The following GALNTL6 variants were observed in gnomAD, a reference collection of about 807,000 sequenced individuals.
GALNTL6 encodes the protein polypeptide N-acetylgalactosaminyltransferase like 6.
Under a neutral mutation model 73.7 loss-of-function variants are expected in GALNTL6, and 46 were observed. The observed-to-expected ratio is 0.62, with a 90% CI of 0.49 to 0.80. The LOEUF is 0.80. Ranked by LOEUF, GALNTL6 falls within the 30% of genes least tolerant of loss-of-function variation. The pLI is 0.00. For missense variants in GALNTL6, 604 were observed against 755.0 expected (o/e 0.80, Z 2.34); for synonymous variants, 259 against 263.7 (o/e 0.98, Z 0.17).
chr4:172,497,906 C>T (rs904411232), intron 5 of GALNTL6, among the ~76,000 whole-genome samples: 1 of 152,002 alleles, frequency 6.6e-6, no homozygotes, highest in African/African-American at 2.4e-5. Context: ...TTATAAACAT[C>T]TCCATCCCCA....
At chr4:172,112,448 T>G (rs1192305573) in intron 2 of GALNTL6, among the ~76,000 whole-genome samples, 1 of 151,948 alleles carries the variant, frequency 6.6e-6, no homozygotes. Context: ...TAAGGGTATG[T>G]TTAGTTTTGT....
intron 2 of GALNTL6, among the ~76,000 whole-genome samples, chr4:172,074,105 A>G (rs372860975): frequency 6.6e-6 from 1 of 152,334 alleles, no homozygotes; most frequent in Middle Eastern, 3.4e-3. Flanking sequence ...AGAACCACAG[A>G]ACAATTATAC....
chr4:172,655,979 CAT>C (rs941765628), intron 5 of GALNTL6, among the ~76,000 whole-genome samples: 5 of 152,142 alleles, frequency 3.3e-5, no homozygotes, highest in Non-Finnish European at 7.3e-5. Flanking sequence ...GTCAAAAACA[CAT>C]GTGATAAGCC....
chr4:172,032,900 ATTTTCTCTTTATAATCT>A (rs2110823836), intron 2 of GALNTL6, among the ~76,000 whole-genome samples: 1 of 152,070 alleles, frequency 6.6e-6, no homozygotes, highest in African/African-American at 2.4e-5. Context: ...TTTCCATTTA[ATTTTCTCTTTATAATCT>A]GATTGGAGAG....
At chr4:171,961,269 C>T (rs1739211079) in intron 2 of GALNTL6, among the ~76,000 whole-genome samples, 1 of 152,022 alleles carries the variant, frequency 6.6e-6, no homozygotes, top group Admixed American at 6.6e-5. Context: ...GTCTTCATAC[C>T]TTGTCTAACA....
intron 8 of GALNTL6, among the ~76,000 whole-genome samples, chr4:172,917,236 C>T (rs935473196): frequency 5.3e-5 from 8 of 152,168 alleles, no homozygotes; most frequent in Non-Finnish European, 7.3e-5. Flanking sequence ...ACACCTTATA[C>T]AAATATTAAT....
At chr4:172,318,819 T>TG (rs1443134727) in intron 4 of GALNTL6, among the ~76,000 whole-genome samples, 2 of 151,302 alleles carry the variant, frequency 1.3e-5, no homozygotes, top group African/African-American at 4.9e-5. Context: ...ACAGTGCACA[T>TG]GAAAAAAAAA....
intron 5 of GALNTL6, among the ~76,000 whole-genome samples, chr4:172,373,289 C>T (rs111844855): frequency 0.033 from 5,046 of 152,228 alleles, 109 homozygotes; most frequent in Non-Finnish European, 0.035. Flanking sequence ...TCCTTGAGGT[C>T]CAGAACAGTG....
chr4:173,026,173 TGG>T (rs1753222920), intron 12 of GALNTL6, among the ~76,000 whole-genome samples: 6 of 152,204 alleles, frequency 3.9e-5, no homozygotes, highest in Non-Finnish European at 7.3e-5. Flanking sequence ...ATGGTTTATT[TGG>T]GATATAGCCC....
intron 5 of GALNTL6, among the ~76,000 whole-genome samples, chr4:172,378,003 C>T (rs532042196): frequency 1.3e-5 from 2 of 151,966 alleles, no homozygotes; most frequent in Non-Finnish European, 2.9e-5. Context: ...CAGCGGCAGG[C>T]TGAAGGGCTC....
chr4:172,452,863 G>C (rs1732260283), intron 5 of GALNTL6, among the ~76,000 whole-genome samples: 2 of 152,116 alleles, frequency 1.3e-5, no homozygotes, highest in Admixed American at 6.6e-5. Flanking sequence ...ATTAAGAAAA[G>C]CATTGACAGG....
At chr4:172,095,329 A>T (rs1483056698) in intron 2 of GALNTL6, among the ~76,000 whole-genome samples, 6 of 152,138 alleles carry the variant, frequency 3.9e-5, no homozygotes, top group African/African-American at 1.4e-4. Context: ...GGTTAATCCC[A>T]GACCTCAGGA....
chr4:172,837,803 T>G (rs1742992469), intron 7 of GALNTL6, among the ~76,000 whole-genome samples: 1 of 152,224 alleles, frequency 6.6e-6, no homozygotes, highest in African/African-American at 2.4e-5. Flanking sequence ...ATTCACTGAT[T>G]GAATAATCAA....
At chr4:172,928,894 G>T (rs894553609) in intron 8 of GALNTL6, among the ~76,000 whole-genome samples, 3 of 152,192 alleles carry the variant, frequency 2.0e-5, no homozygotes, top group African/African-American at 7.2e-5. Flanking sequence ...GATAGATCTA[G>T]ATCGTTGGTC....
At chr4:172,672,809 G>A (rs987972026) in intron 5 of GALNTL6, among the ~76,000 whole-genome samples, 14 of 152,098 alleles carry the variant, frequency 9.2e-5, no homozygotes, top group South Asian at 4.1e-4. Context: ...GTTTGTGTGC[G>A]TAGAGGTGTT....
At chr4:172,105,645 T>A (rs1334247771) in intron 2 of GALNTL6, among the ~76,000 whole-genome samples, 1 of 152,004 alleles carries the variant, frequency 6.6e-6, no homozygotes, top group Non-Finnish European at 1.5e-5. Context: ...GGGGCATCAA[T>A]TTTTTATTAG....
intron 2 of GALNTL6, among the ~76,000 whole-genome samples, chr4:172,217,813 G>C (rs928793669): frequency 2.0e-5 from 3 of 152,136 alleles, no homozygotes; most frequent in Non-Finnish European, 4.4e-5. Context: ...CAGGTAACAG[G>C]AACTGACTAA....
chr4:171,825,674 T>C (rs570582395), intron 2 of GALNTL6, among the ~76,000 whole-genome samples: 1 of 152,286 alleles, frequency 6.6e-6, no homozygotes, highest in African/African-American at 2.4e-5. Flanking sequence ...TAAGCAAGTC[T>C]ATCACTTTAC....
At chr4:171,988,922 G>A (rs1356316699) in intron 2 of GALNTL6, among the ~76,000 whole-genome samples, 8 of 151,776 alleles carry the variant, frequency 5.3e-5, no homozygotes, top group African/African-American at 1.5e-4. Context: ...GCTTTGAACT[G>A]GGGGAAAAGG....
Sources: allele counts gnomAD v4.1 joint callset (sites outside exome capture counted in the v4.1 genomes callset), GRCh38; gene constraint gnomAD v4.1.1; transcripts MANE v1.5; gene names NCBI Gene and HGNC (gene_info 2026-07-23, HGNC 2026-07-21).